Variants in BMAL2 observed in about 807,000 individuals in gnomAD.
BMAL2 encodes basic helix-loop-helix ARNT-like protein 2.
At chr12:27,364,744 T>G in the BMAL2 span, among the ~76,000 whole-genome samples, 8,360 of 152,246 alleles carry the variant, frequency 0.055, 764 homozygotes, top group African/African-American at 0.19. Context: ...AATTTACATC[T>G]TTAGTATATT....
At chr12:27,401,706 T>G in the BMAL2 span, 1 of 1,471,716 alleles carries the variant, frequency 6.8e-7, no homozygotes, top group Non-Finnish European at 9.2e-7. Context: ...GACCTTTATA[T>G]TGATTTCAAA....
chr12:27,404,106 G>A, the BMAL2 span, among the ~76,000 whole-genome samples: 1 of 150,650 alleles, frequency 6.6e-6, no homozygotes, highest in South Asian at 2.1e-4. Context: ...AGAGGGGCTG[G>A]TGGGGCAGTG....
chr12:27,394,975 T>G, the BMAL2 span, among the ~76,000 whole-genome samples: 53 of 152,368 alleles, frequency 3.5e-4, no homozygotes, highest in African/African-American at 1.2e-3. Flanking sequence ...CCTCCATCTC[T>G]AGGCTTCCAG....
At chr12:27,379,427 G>GTGAAT in the BMAL2 span, among the ~76,000 whole-genome samples, 1 of 152,168 alleles carries the variant, frequency 6.6e-6, no homozygotes, top group African/African-American at 2.4e-5. Flanking sequence ...AAAGAGTGAG[G>GTGAAT]AGAGAGCGGT....
At chr12:27,387,238 G>A in the BMAL2 span, 74 of 1,610,178 alleles carry the variant, frequency 4.6e-5, no homozygotes, top group Non-Finnish European at 6.0e-5. Context: ...ACTGCAGAAG[G>A]CTTCTTATTT....
chr12:27,340,159 A>G, the BMAL2 span, among the ~76,000 whole-genome samples: 1 of 152,192 alleles, frequency 6.6e-6, no homozygotes, highest in African/African-American at 2.4e-5. Context: ...GGTGTCTTGC[A>G]TAATGAAATC....
chr12:27,407,770 A>T, the BMAL2 span, among the ~76,000 whole-genome samples: 1 of 152,344 alleles, frequency 6.6e-6, no homozygotes, highest in Admixed American at 6.5e-5. Flanking sequence ...AGATAGAGAC[A>T]CAAGAAACCC....
chr12:27,360,616 A>G, the BMAL2 span, among the ~76,000 whole-genome samples: 1 of 152,072 alleles, frequency 6.6e-6, no homozygotes, highest in Non-Finnish European at 1.5e-5. Flanking sequence ...TTAGGCATCT[A>G]CAATGGCTCA....
chr12:27,348,531 T>C, the BMAL2 span, among the ~76,000 whole-genome samples: 1 of 152,186 alleles, frequency 6.6e-6, no homozygotes, highest in Non-Finnish European at 1.5e-5. Context: ...TTAACTTACC[T>C]AAAGCCACCT....
chr12:27,344,061 A>G, the BMAL2 span, among the ~76,000 whole-genome samples: 1 of 152,214 alleles, frequency 6.6e-6, no homozygotes, highest in Admixed American at 6.5e-5. Context: ...AATTCATTAG[A>G]TCCCCAGCAA....
the BMAL2 span, among the ~76,000 whole-genome samples, chr12:27,340,463 T>TA: frequency 1.3e-5 from 2 of 152,208 alleles, no homozygotes; most frequent in Non-Finnish European, 2.9e-5. Flanking sequence ...CAATAGTCTA[T>TA]ATGTCTGTTT....
At chr12:27,337,074 A>G in the BMAL2 span, among the ~76,000 whole-genome samples, 1 of 152,112 alleles carries the variant, frequency 6.6e-6, no homozygotes, top group East Asian at 1.9e-4. Flanking sequence ...GAAATTTGAC[A>G]TTTATGTAGC....
At chr12:27,365,699 G>A in the BMAL2 span, among the ~76,000 whole-genome samples, 1 of 150,058 alleles carries the variant, frequency 6.7e-6, no homozygotes, top group Non-Finnish European at 1.5e-5. Context: ...AAATTTCTAG[G>A]GCATCTCAAT....
chr12:27,391,304 G>T, the BMAL2 span, among the ~76,000 whole-genome samples: 4 of 152,106 alleles, frequency 2.6e-5, no homozygotes, highest in Non-Finnish European at 5.9e-5. Flanking sequence ...TTGGTTTTCT[G>T]TTCTTGCATC....
At chr12:27,420,629 T>C in the BMAL2 span, 2 of 1,306,220 alleles carry the variant, frequency 1.5e-6, no homozygotes, top group South Asian at 3.6e-5. Context: ...TGATATTGTT[T>C]GTATCTTTTA....
chr12:27,400,634 C>T, the BMAL2 span: 1 of 1,613,826 alleles, frequency 6.2e-7, no homozygotes, highest in South Asian at 1.1e-5. Flanking sequence ...AGAAAGACAA[C>T]AGTAATTTTA....
the BMAL2 span, chr12:27,389,141 T>G: frequency 7.6e-7 from 1 of 1,307,708 alleles, no homozygotes; most frequent in South Asian, 1.2e-5. Flanking sequence ...AGAAAAAGCA[T>G]GGTACTGATT....
chr12:27,423,064 C>A, the BMAL2 span: 1 of 152,176 alleles, frequency 6.6e-6, no homozygotes, highest in Admixed American at 6.5e-5. Context: ...TTCTGTAGAT[C>A]CTTTTGTCCT....
At chr12:27,340,710 T>TA in the BMAL2 span, among the ~76,000 whole-genome samples, 3 of 152,222 alleles carry the variant, frequency 2.0e-5, no homozygotes, top group Non-Finnish European at 2.9e-5. Flanking sequence ...AGATAGTCCA[T>TA]TTTAACAATA....
Sources: allele counts gnomAD v4.1 joint callset (sites outside exome capture counted in the v4.1 genomes callset), GRCh38; gene constraint gnomAD v4.1.1; transcripts MANE v1.5; gene names NCBI Gene and HGNC (gene_info 2026-07-23, HGNC 2026-07-21).